Variants in CCDC141 observed in about 807,000 individuals in gnomAD.
The protein encoded by CCDC141 is coiled-coil domain containing 141, also known as coiled-coil domain-containing protein 141.
CCDC141 carries 168 observed loss-of-function variants against 181.0 expected under a neutral mutation model. The ratio of observed to expected loss-of-function variants is 0.93; its 90% CI spans 0.82 to 1.05. CCDC141 has a LOEUF of 1.05. CCDC141 is among the 50% of genes least tolerant of loss of function. The probability of loss-of-function intolerance (pLI) is 0.00; values close to 1 mark genes in which losing one functional copy is unlikely to be tolerated. For synonymous variants in CCDC141, 666 were observed against 642.3 expected (o/e 1.04, Z -0.56); for missense variants, 1,902 against 1,788.5 (o/e 1.06, Z -1.14).
Position 178,845,820 on chromosome 2 carries a change from A to C in CCDC141, c.3358-78T>G. 4.8e-6 allele frequency: 4 copies of C among 826,704 alleles called. No homozygotes were observed. In the East Asian group the frequency reaches 9.8e-5, roughly 20 times the overall value. The allele number at this position is 826,704 out of a possible 1,614,324, so 51.2% of individuals were successfully genotyped here. Reference sequence around the variant, plus strand: ...TGCCATACACTAACTACTTGGAAGAAAACATAGACCACTTGCAACCTTTCA... The same window carrying C: ...TGCCATACACTAACTACTTGGAAGACAACATAGACCACTTGCAACCTTTCA... On this transcript the variant is annotated intron_variant, in intron 21 of 23. Transcript: ENST00000443758.
At chr2:178,842,997 G>A (rs959254584) in intron 22 of CCDC141, among the ~76,000 whole-genome samples, 1 of 152,140 alleles carries the variant, frequency 6.6e-6, no homozygotes, top group African/African-American at 2.4e-5. Context: ...TAGAGGGGGA[G>A]TGCAGGGACC....
chr2:178,840,816 C>T (rs1234441260), intron 22 of CCDC141, among the ~76,000 whole-genome samples: 15 of 152,160 alleles, frequency 9.9e-5, no homozygotes, highest in Non-Finnish European at 1.5e-5. Flanking sequence ...ATCATTTTTT[C>T]ACTTCTAACA....
chr2:178,981,636 G>GTATATATATATATATGTATATATA (rs1553495301), intron 2 of CCDC141, among the ~76,000 whole-genome samples: 10 of 62,394 alleles, frequency 1.6e-4, no homozygotes, highest in Admixed American at 7.8e-4. Flanking sequence ...GTGTGTGTGT[G>GTATATATATATATATGTATATATA]TATATATATA....
intron 7 of CCDC141, among the ~76,000 whole-genome samples, chr2:178,917,799 C>T (rs1297639422): frequency 6.6e-6 from 1 of 152,168 alleles, no homozygotes; most frequent in Non-Finnish European, 1.5e-5. Flanking sequence ...AGAAGCAGAG[C>T]ACTCCTCCAA....
chr2:178,986,289 A>G (rs1485409134), intron 2 of CCDC141, among the ~76,000 whole-genome samples: 5 of 152,214 alleles, frequency 3.3e-5, no homozygotes. Flanking sequence ...AAAACTCTCA[A>G]TAAATTAGGT....
intron 2 of CCDC141, among the ~76,000 whole-genome samples, chr2:179,026,689 G>A (rs1360157926): frequency 2.0e-5 from 3 of 152,182 alleles, no homozygotes; most frequent in Admixed American, 2.0e-4. Context: ...CTGACAGCTT[G>A]CACTGCGCAC....
intron 2 of CCDC141, among the ~76,000 whole-genome samples, chr2:179,039,055 C>T (rs1246849840): frequency 6.6e-6 from 1 of 152,106 alleles, no homozygotes; most frequent in Non-Finnish European, 1.5e-5. Context: ...CTTAAATCTG[C>T]CTTTTCTGGA....
chr2:178,818,615 T>C, the CCDC141 span, among the ~76,000 whole-genome samples: 1 of 152,232 alleles, frequency 6.6e-6, no homozygotes, highest in African/African-American at 2.4e-5. Flanking sequence ...ATCTCATTCC[T>C]TTTTATGGCT....
rs1575134979 is a variant in CCDC141 at position 178,856,391 on chromosome 2, C to T, written c.2731G>A (p.Asp911Asn). 1 of 1,571,614 alleles carries T rather than the reference C, an allele frequency of 6.4e-7. No individual in the cohort carries two copies. Among genetic ancestry groups the T allele is most frequent in the Middle Eastern group, 2.0e-4 (1 of 5,008 alleles). Reference protein sequence around the residue: ...AMRDEINELKDSFKDIKKKFN... With the variant: ...AMRDEINELKNSFKDIKKKFN... ...TTCTTTTTGATATCTTTGAATGAGT[C>T]TTTGAGCTGTAGTTCAATAAAAAGA... Residue 911 changes from aspartate to asparagine, a missense_variant, in exon 18 of 24, where the codon GAC becomes AAC. Coordinates refer to ENST00000443758, the MANE Select transcript of CCDC141 (RefSeq NM_173648.4).
At chr2:178,945,217 C>T (rs1437218424) in intron 5 of CCDC141, among the ~76,000 whole-genome samples, 2 of 152,132 alleles carry the variant, frequency 1.3e-5, no homozygotes, top group African/African-American at 4.8e-5. Context: ...TAGCAAAGGA[C>T]TTGAAATAAT....
chr2:178,856,149 A>T, intron 18 of CCDC141, 108 bp downstream of exon 18: 1 of 1,031,064 alleles, frequency 9.7e-7, no homozygotes, highest in Middle Eastern at 2.9e-4. Flanking sequence ...CCAATGCTAC[A>T]AAAAGCCAGA....
At chr2:178,981,919 GA>G (rs1337392835) in intron 2 of CCDC141, among the ~76,000 whole-genome samples, 3 of 149,598 alleles carry the variant, frequency 2.0e-5, no homozygotes, top group Non-Finnish European at 3.0e-5. Context: ...AAGAAAGAAA[GA>G]GAAAAGAAAC....
chr2:179,008,753 C>A (rs2042181631), intron 2 of CCDC141, among the ~76,000 whole-genome samples: 1 of 152,016 alleles, frequency 6.6e-6, no homozygotes, highest in Admixed American at 6.6e-5. Flanking sequence ...GTCTTGAGTC[C>A]CCCAAATATC....
chr2:178,956,247 C>G (rs1182530273), intron 5 of CCDC141, among the ~76,000 whole-genome samples: 2 of 152,156 alleles, frequency 1.3e-5, no homozygotes, highest in Non-Finnish European at 2.9e-5. Flanking sequence ...CTGCTGTTAA[C>G]AAGAGAAAAT....
chr2:178,975,084 G>T lies in CCDC141; in HGVS notation c.499C>A (p.Leu167Ile). The change falls in exon 4 of 24, where the codon CTT becomes ATT. Residue 167 changes from leucine to isoleucine, a missense_variant. Leu to Ile is a conservative substitution (Grantham distance 5). Coordinates refer to ENST00000443758, the MANE Select transcript of CCDC141 (RefSeq NM_173648.4). Reference protein sequence around the residue: ...FESAESLKSLLQLHEHHTKEL... With the variant: ...FESAESLKSLIQLHEHHTKEL... Reference sequence around the variant, plus strand: ...TTAGTATGATGTTCATGAAGCTGAAGAAGTGATTTTAAGGACTCAGCACTC... The same window carrying T: ...TTAGTATGATGTTCATGAAGCTGAATAAGTGATTTTAAGGACTCAGCACTC... The T allele has an allele frequency of 6.6e-7, 1 of 1,521,846 alleles. No homozygotes were observed. Among genetic ancestry groups the T allele is most frequent in the African/African-American group, 1.4e-5 (1 of 72,836 alleles). 94.3% of individuals were successfully genotyped at this position (1,521,846 alleles called of 1,614,324 possible).
intron 6 of CCDC141, among the ~76,000 whole-genome samples, chr2:178,922,159 T>C (rs1027873916): frequency 6.6e-6 from 1 of 152,176 alleles, no homozygotes; most frequent in Non-Finnish European, 1.5e-5. Flanking sequence ...GTCTGCAAGA[T>C]GGTAAGGGTT....
At chr2:178,983,625 C>T (rs2154381418) in intron 2 of CCDC141, among the ~76,000 whole-genome samples, 1 of 146,912 alleles carries the variant, frequency 6.8e-6, no homozygotes, top group Non-Finnish European at 1.5e-5. Context: ...CTTAAAGGAG[C>T]TGATGGAGCT....
intron 5 of CCDC141, among the ~76,000 whole-genome samples, chr2:178,960,307 T>A (rs1398454893): frequency 2.0e-5 from 3 of 152,226 alleles, no homozygotes; most frequent in African/African-American, 7.2e-5. Flanking sequence ...AGGTTGATCA[T>A]CATGGATAAG....
chr2:178,884,852 C>T lies in CCDC141; in HGVS notation c.1719+49G>A, dbSNP rs1686804148. On this transcript the variant is annotated intron_variant, in intron 11 of 23. Transcript: ENST00000443758. ...CATATATCCCCACAGAAAGCAAGGA[C>T]ATGGGCAGTGGCCACCTTGCTGAAG... 2.1e-6 allele frequency: 3 copies of T among 1,446,644 alleles called. No individual in the cohort carries two copies. In the Admixed American group the frequency reaches 6.0e-5, roughly 29 times the overall value. The allele number at this position is 1,446,644 out of a possible 1,614,324, so 89.6% of individuals were successfully genotyped here.
Sources: allele counts gnomAD v4.1 joint callset (sites outside exome capture counted in the v4.1 genomes callset), GRCh38; gene constraint gnomAD v4.1.1; transcripts MANE v1.5; gene names NCBI Gene and HGNC (gene_info 2026-07-23, HGNC 2026-07-21).